The following MARCHF1 variants were observed in gnomAD, a reference collection of about 807,000 sequenced individuals.
The protein encoded by MARCHF1 is membrane associated ring-CH-type finger 1, also known as E3 ubiquitin-protein ligase MARCHF1.
A neutral mutation model predicts 54.2 loss-of-function variants in MARCHF1; 40 were observed. The ratio of observed to expected loss-of-function variants is 0.74; its 90% CI spans 0.57 to 0.96. MARCHF1 has a LOEUF of 0.96. MARCHF1 is among the 40% of genes least tolerant of loss of function. The pLI is 0.00. For missense variants in MARCHF1, 586 were observed against 656.5 expected, an observed-to-expected ratio of 0.89 and a Z score of 1.17; for synonymous variants, 236 against 236.3, an observed-to-expected ratio of 1.00 and a Z score of 0.01.
chr4:163,961,622 G>A (rs573806055), intron 3 of MARCHF1, among the ~76,000 whole-genome samples: 1 of 152,014 alleles, frequency 6.6e-6, no homozygotes, highest in African/African-American at 2.4e-5. Flanking sequence ...AGCATTATAT[G>A]ATCAAAGGGA....
At chr4:163,628,295 C>G (rs13116532) in intron 5 of MARCHF1, among the ~76,000 whole-genome samples, 1 of 151,918 alleles carries the variant, frequency 6.6e-6, no homozygotes, top group African/African-American at 2.4e-5. Context: ...ACAGAACCAA[C>G]GACAAAAACC....
At position 164,078,669 on chromosome 4, in the gene MARCHF1, A is replaced by C. The variant is rs1163016825; in HGVS notation, c.-248+32919T>G. ...AAAGAACTACATAGAACTTCTAGAA[A>C]TACTAGAACTGAAGTTAAAATTTCA... On this transcript the variant is annotated intron_variant, in intron 2 of 9. Transcript: ENST00000514618. Among the ~76,000 whole-genome samples the C allele has an allele frequency of 2.0e-5, 3 of 152,238 alleles. No individual in the cohort carries two copies. The South Asian group carries it at 6.2e-4, about 31-fold the overall frequency.
intron 5 of MARCHF1, among the ~76,000 whole-genome samples, chr4:163,691,380 C>T (rs1399518094): frequency 6.6e-6 from 1 of 152,120 alleles, no homozygotes; most frequent in Non-Finnish European, 1.5e-5. Flanking sequence ...AAAATTCTGC[C>T]ACATAATGGT....
At chr4:164,291,943 T>C (rs951250022) in intron 1 of MARCHF1, among the ~76,000 whole-genome samples, 1 of 152,260 alleles carries the variant, frequency 6.6e-6, no homozygotes, top group South Asian at 2.1e-4. Context: ...TATAACTCAT[T>C]CATTCATTCA....
At chr4:163,810,496 C>T (rs1748354176) in intron 4 of MARCHF1, among the ~76,000 whole-genome samples, 2 of 152,158 alleles carry the variant, frequency 1.3e-5, no homozygotes, top group Non-Finnish European at 2.9e-5. Flanking sequence ...GAATCTATCT[C>T]TTCCTCCCTA....
At chr4:163,924,394 G>C (rs1010109263) in intron 3 of MARCHF1, among the ~76,000 whole-genome samples, 1 of 151,940 alleles carries the variant, frequency 6.6e-6, no homozygotes, top group Admixed American at 6.6e-5. Flanking sequence ...GTAAAATGTG[G>C]ACAAAACACC....
chr4:164,177,604 A>G (rs921303648), intron 1 of MARCHF1, among the ~76,000 whole-genome samples: 1 of 152,090 alleles, frequency 6.6e-6, no homozygotes, highest in Non-Finnish European at 1.5e-5. Context: ...ATGCAGACTT[A>G]CTGGATATGA....
At chr4:164,006,052 C>T (rs1183540688) in intron 2 of MARCHF1, among the ~76,000 whole-genome samples, 1 of 151,702 alleles carries the variant, frequency 6.6e-6, no homozygotes, top group Non-Finnish European at 1.5e-5. Context: ...TAGATGTATA[C>T]CCACGAGAAA....
intron 1 of MARCHF1, among the ~76,000 whole-genome samples, chr4:164,148,648 T>C (rs888832662): frequency 1.3e-5 from 2 of 152,260 alleles, no homozygotes; most frequent in South Asian, 2.1e-4. Context: ...TTTATTGTTA[T>C]AAGAAAAATT....
At chr4:163,864,620 T>C (rs1181411760) in intron 3 of MARCHF1, among the ~76,000 whole-genome samples, 4 of 151,998 alleles carry the variant, frequency 2.6e-5, no homozygotes, top group Non-Finnish European at 5.9e-5. Flanking sequence ...ATGTTAATAA[T>C]AGGAGAAATG....
chr4:164,194,114 C>T (rs910213286), intron 1 of MARCHF1, among the ~76,000 whole-genome samples: 2 of 152,320 alleles, frequency 1.3e-5, no homozygotes, highest in African/African-American at 2.4e-5. Context: ...AGGTATAACA[C>T]TCCCACTGCA....
At chr4:164,201,548 G>A (rs1203367270) in intron 1 of MARCHF1, among the ~76,000 whole-genome samples, 2 of 152,140 alleles carry the variant, frequency 1.3e-5, no homozygotes, top group African/African-American at 4.8e-5. Context: ...TGAATTTTAA[G>A]TAGGACAAGA....
At chr4:164,088,551 A>G (rs1389546204) in intron 2 of MARCHF1, among the ~76,000 whole-genome samples, 1 of 152,134 alleles carries the variant, frequency 6.6e-6, no homozygotes, top group African/African-American at 2.4e-5. Flanking sequence ...CAGCCTGGGC[A>G]ACATGGCAAA....
chr4:163,600,048 C>T (rs79732574), intron 7 of MARCHF1, among the ~76,000 whole-genome samples: 5,232 of 152,178 alleles, frequency 0.034, 304 homozygotes, highest in East Asian at 0.18. Context: ...CAGTTGCTAG[C>T]CCCCAGGCTT....
At chr4:163,864,839 C>T (rs1750016011) in intron 3 of MARCHF1, among the ~76,000 whole-genome samples, 1 of 151,730 alleles carries the variant, frequency 6.6e-6, no homozygotes, top group Non-Finnish European at 1.5e-5. Context: ...GTTCCAAATT[C>T]TATGGTTTAG....
intron 4 of MARCHF1, among the ~76,000 whole-genome samples, chr4:163,851,447 G>T (rs1280699104): frequency 6.6e-6 from 1 of 152,176 alleles, no homozygotes; most frequent in Non-Finnish European, 1.5e-5. Flanking sequence ...TATATTGGGT[G>T]TGTGGGAAGT....
chr4:163,970,308 G>T (rs1752523642), intron 3 of MARCHF1, among the ~76,000 whole-genome samples: 1 of 152,304 alleles, frequency 6.6e-6, no homozygotes, highest in African/African-American at 2.4e-5. Context: ...CCTGAGTAAA[G>T]AATCTTCAAT....
At chr4:163,823,838 T>C (rs1341334755) in intron 4 of MARCHF1, among the ~76,000 whole-genome samples, 1 of 151,848 alleles carries the variant, frequency 6.6e-6, no homozygotes, top group Non-Finnish European at 1.5e-5. Context: ...AATAAAACCA[T>C]AGTCAATGTG....
At chr4:163,539,768 A>C (rs1042241619) in intron 9 of MARCHF1, among the ~76,000 whole-genome samples, 1 of 152,212 alleles carries the variant, frequency 6.6e-6, no homozygotes, top group Admixed American at 6.5e-5. Context: ...AAATAAACTA[A>C]AACACCCTTA....
Sources: allele counts gnomAD v4.1 joint callset (sites outside exome capture counted in the v4.1 genomes callset), GRCh38; gene constraint gnomAD v4.1.1; transcripts MANE v1.5; gene names NCBI Gene and HGNC (gene_info 2026-07-23, HGNC 2026-07-21).